The following EFCAB7 variants were observed in gnomAD, a reference collection of about 807,000 sequenced individuals.
EFCAB7 encodes EF-hand calcium-binding domain-containing protein 7.
A neutral mutation model predicts 77.1 loss-of-function variants in EFCAB7; 66 were observed. The observed-to-expected ratio is 0.86, with a 90% CI of 0.70 to 1.05. EFCAB7 has a LOEUF of 1.05. Among genes scored for constraint, EFCAB7 ranks in the 50% least tolerant of loss-of-function variants. The pLI is 0.00. For synonymous variants in EFCAB7, 225 were observed against 243.3 expected, an observed-to-expected ratio of 0.92 and a Z score of 0.70; for missense variants, 638 against 730.5, an observed-to-expected ratio of 0.87 and a Z score of 1.46.
chr1:63,561,864 T>C lies in EFCAB7; in HGVS notation c.1497+7T>C, dbSNP rs770020592. 4 of 1,555,080 alleles carry C rather than the reference T, an allele frequency of 2.6e-6. No individual in the cohort carries two copies. Among genetic ancestry groups the C allele is most frequent in the Non-Finnish European group, 3.5e-6 (4 of 1,153,108 alleles). ...AGCTCTGGAGTTGACAGAGGTAAAG[T>C]ATTCTTAAACTTTTGCCAATGGGTT... On this transcript the variant is annotated splice_region_variant and intron_variant, in intron 11 of 13. Coordinates refer to ENST00000371088, the MANE Select transcript of EFCAB7 (RefSeq NM_032437.4).
rs538276382 is a variant in EFCAB7 at position 63,545,524 on chromosome 1, T to C, written c.805-392T>C. On this transcript the variant is annotated intron_variant, in intron 6 of 13. Coordinates refer to ENST00000371088, the MANE Select transcript of EFCAB7 (RefSeq NM_032437.4). ...CTCTTGTTGCCAAGCTGGAGTACAATGGCGCGATCTCGGCTCACTGCATCC... is the reference window on the plus strand; with the variant it reads ...CTCTTGTTGCCAAGCTGGAGTACAACGGCGCGATCTCGGCTCACTGCATCC... Among the ~76,000 whole-genome samples the C allele has an allele frequency of 3.9e-5, 6 of 152,304 alleles. No homozygotes were observed. The South Asian group carries it at 1.2e-3, about 32-fold the overall frequency.
chr1:63,530,088 A>G (rs1646669116), intron 2 of EFCAB7, among the ~76,000 whole-genome samples: 1 of 152,196 alleles, frequency 6.6e-6, no homozygotes, highest in Admixed American at 6.5e-5. Context: ...GTATTGATGA[A>G]CAAAAATCAC....
chr1:63,584,255 C>A, the EFCAB7 span, among the ~76,000 whole-genome samples: 1 of 152,118 alleles, frequency 6.6e-6, no homozygotes, highest in South Asian at 2.1e-4. Flanking sequence ...GCAAAAAAGT[C>A]AGACAAAAAT....
intron 13 of EFCAB7, 147 bp from the exon 14 acceptor site, chr1:63,572,295 C>G (rs1441692762): frequency 1.8e-6 from 1 of 545,856 alleles, no homozygotes; most frequent in Non-Finnish European, 3.1e-6. Flanking sequence ...TCATAGATTG[C>G]TAGTCTCTGC....
chr1:63,536,712 G>A (rs1432696033), intron 6 of EFCAB7: 1 of 152,050 alleles, frequency 6.6e-6, no homozygotes, highest in East Asian at 1.9e-4. Context: ...TTCTTCCTGG[G>A]TGGTTTTCTG....
the EFCAB7 span, among the ~76,000 whole-genome samples, chr1:63,580,070 G>A: frequency 6.6e-6 from 1 of 152,118 alleles, no homozygotes; most frequent in Non-Finnish European, 1.5e-5. Flanking sequence ...TTTACATTTT[G>A]ATGAAGTCCA....
At chr1:63,538,965 C>G (rs1160974898) in intron 6 of EFCAB7, among the ~76,000 whole-genome samples, 1 of 152,122 alleles carries the variant, frequency 6.6e-6, no homozygotes, top group Non-Finnish European at 1.5e-5. Context: ...CATTTTCCAG[C>G]TATATTAATC....
At position 63,568,418 on chromosome 1, in the gene EFCAB7, G is replaced by T. The variant is rs763745976; in HGVS notation, c.1606G>T (p.Val536Phe). Residue 536 changes from valine to phenylalanine, a missense_variant, in exon 12 of 14, where the codon GTT becomes TTT. Coordinates refer to ENST00000371088, the MANE Select transcript of EFCAB7 (RefSeq NM_032437.4). ...ACTTGAGAAGGCCATTTGTAAATCT[G>T]TTCTTAGCAACGGTGATGCCAAAGT... ...GQLEKAICKS[V>F]LSNGDAKVMD... is the part of the protein sequence containing the mutation. The T allele has an allele frequency of 5.0e-6, 8 of 1,585,896 alleles. No homozygotes were observed. Among genetic ancestry groups the T allele is most frequent in the Non-Finnish European group, 6.0e-6 (7 of 1,168,744 alleles).
At chr1:63,570,169 C>T (rs1647220913) in intron 12 of EFCAB7, 1 of 152,170 alleles carries the variant, frequency 6.6e-6, no homozygotes, top group South Asian at 2.1e-4. Flanking sequence ...GATTACACAG[C>T]TAAGTAGTAG....
chr1:63,538,808 T>G (rs1247136055), intron 6 of EFCAB7, among the ~76,000 whole-genome samples: 1 of 152,210 alleles, frequency 6.6e-6, no homozygotes, highest in Non-Finnish European at 1.5e-5. Flanking sequence ...TGGCAGATCT[T>G]AAGTTGAATG....
chr1:63,575,167 GTT>G (rs1647376597), downstream of EFCAB7, among the ~76,000 whole-genome samples: 1 of 151,916 alleles, frequency 6.6e-6, no homozygotes, highest in African/African-American at 2.4e-5. Context: ...CAACTTTAAA[GTT>G]TTATAGTTCT....
chr1:63,542,803 T>C (rs1383638708), intron 6 of EFCAB7, among the ~76,000 whole-genome samples: 1 of 152,194 alleles, frequency 6.6e-6, no homozygotes, highest in East Asian at 1.9e-4. Context: ...TTAAAAAATC[T>C]GGTGGTTTGT....
intron 1 of EFCAB7, 63 bp from the exon 2 acceptor site, chr1:63,525,509 T>G (rs1646572753): frequency 7.8e-7 from 1 of 1,280,824 alleles, no homozygotes; most frequent in Admixed American, 2.9e-5. Flanking sequence ...TTGAAAGACA[T>G]GGTGACATTT....
chr1:63,537,509 A>G (rs1646777480), intron 6 of EFCAB7, among the ~76,000 whole-genome samples: 1 of 152,194 alleles, frequency 6.6e-6, no homozygotes, highest in Non-Finnish European at 1.5e-5. Flanking sequence ...AAATAAAAAC[A>G]TTTGAAATTC....
intron 11 of EFCAB7, among the ~76,000 whole-genome samples, chr1:63,564,322 A>C (rs1280358493): frequency 1.3e-5 from 2 of 152,200 alleles, no homozygotes; most frequent in African/African-American, 4.8e-5. Flanking sequence ...AAAAGAAAAA[A>C]TAAAACTATA....
At chr1:63,552,989 T>C (rs1646984202) in intron 8 of EFCAB7, among the ~76,000 whole-genome samples, 1 of 152,206 alleles carries the variant, frequency 6.6e-6, no homozygotes, top group South Asian at 2.1e-4. Context: ...TGAGATTGCA[T>C]GTGTAAAAAA....
At chr1:63,526,403 T>C (rs1008276045) in intron 2 of EFCAB7, among the ~76,000 whole-genome samples, 1 of 152,288 alleles carries the variant, frequency 6.6e-6, no homozygotes, top group Non-Finnish European at 1.5e-5. Context: ...CTCATGTCAG[T>C]TTCATCAAGG....
chr1:63,527,559 AC>A (rs1646616797), intron 2 of EFCAB7, among the ~76,000 whole-genome samples: 1 of 152,184 alleles, frequency 6.6e-6, no homozygotes. Flanking sequence ...TTTAAAGTAA[AC>A]CCTGGCAAAA....
At chr1:63,571,785 T>C (rs948265421) in intron 13 of EFCAB7, among the ~76,000 whole-genome samples, 3 of 151,816 alleles carry the variant, frequency 2.0e-5, no homozygotes, top group Non-Finnish European at 2.9e-5. Flanking sequence ...TTTTACATCA[T>C]ATAGAAATGT....
Sources: allele counts gnomAD v4.1 joint callset (sites outside exome capture counted in the v4.1 genomes callset), GRCh38; gene constraint gnomAD v4.1.1; transcripts MANE v1.5; gene names NCBI Gene and HGNC (gene_info 2026-07-23, HGNC 2026-07-21).